PRC1: variants seen among roughly 807,000 people sequenced by gnomAD.
PRC1 encodes the protein anaphase spindle elongation 1 homolog.
PRC1 carries 54 observed loss-of-function variants against 91.2 expected under a neutral mutation model. The observed-to-expected ratio is 0.59, with a 90% CI of 0.48 to 0.74. The LOEUF (loss-of-function observed/expected upper bound fraction) is 0.74. Among genes scored for constraint, PRC1 ranks in the 30% least tolerant of loss-of-function variants. PRC1 has a pLI of 0.00. For synonymous variants in PRC1, 275 were observed against 263.6 expected, an observed-to-expected ratio of 1.04 and a Z score of -0.42; for missense variants, 727 against 746.2, an observed-to-expected ratio of 0.97 and a Z score of 0.30.
At position 90,969,086 on chromosome 15, in the gene PRC1, C is replaced by A; in HGVS notation, c.1784G>T (p.Gly595Val). The A allele has an allele frequency of 2.5e-6, 4 of 1,613,984 alleles. No individual in the cohort carries two copies. In the South Asian group the frequency reaches 4.4e-5, roughly 18 times the overall value. ...DPSLSDSSTV[G>V]LQRELSKASK... is the part of the protein sequence containing the mutation. ...AGGGATTGCCATACAGACCTGAAGC[C>A]CAACAGTGGAACTGTCAGAGAGGGA... Residue 595 changes from glycine (G) to valine (V), a missense_variant, in exon 14 of 15, where the codon GGG (glycine) becomes GTG (valine). Coordinates refer to ENST00000394249, the MANE Select transcript of PRC1 (RefSeq NM_003981.4).
intron 9 of PRC1, among the ~76,000 whole-genome samples, chr15:90,975,644 C>A (rs1014081959): frequency 3.3e-4 from 50 of 152,186 alleles, no homozygotes; most frequent in Middle Eastern, 3.4e-3. Flanking sequence ...GAAGCCTTAA[C>A]CCCCAGTACC....
intron 1 of PRC1, chr15:90,988,437 T>C (rs894029851): frequency 6.6e-5 from 10 of 152,190 alleles, no homozygotes; most frequent in African/African-American, 2.4e-4. Flanking sequence ...CCCGCTTAAC[T>C]ACTCCCCTTC....
In PRC1 at chr15:90,969,618, G is replaced by T. The variant is rs368170223; in HGVS notation, c.1578C>A (p.Val526=). 1 of 1,592,064 alleles carries T rather than the reference G, an allele frequency of 6.3e-7. No homozygotes were observed. The highest frequency in any genetic ancestry group is 8.6e-7 in the Non-Finnish European group (1 of 1,168,446). ...SRLPPSGSKP[V]AASTCSGKKT... ...TCTTCCCTGAACAGGTGGAAGCAGC[G>T]ACTGGCTGCAGAGAAAGGAAAGAGA... Residue 526 remains valine (V), a synonymous_variant, in exon 13 of 15, where the codon GTC becomes GTA. Transcript: ENST00000394249.
rs2151543776 is a variant in PRC1 at position 90,981,904 on chromosome 15, C to T, written c.345G>A (p.Lys115=). ...TQVELMRKQK[K]ERKQELKLLQ... is the part of the protein sequence containing the mutation. ...GTAGCTTCAGTTCCTGTTTTCTCTC[C>T]TTTTTCTGTTTTCGCATCAATTCCA... The change falls in exon 4 of 15, where the codon AAG becomes AAA. Residue 115 remains lysine, a synonymous_variant. Transcript: ENST00000394249. 6 of 1,614,164 alleles carry T rather than the reference C, an allele frequency of 3.7e-6. No homozygotes were observed. In the East Asian group the frequency reaches 1.3e-4, roughly 36 times the overall value.
intron 1 of PRC1, chr15:90,987,680 G>T (rs1162011718): frequency 6.6e-6 from 1 of 152,184 alleles, no homozygotes; most frequent in Non-Finnish European, 1.5e-5. Context: ...CTACAATCTA[G>T]ATGTGCTCTG....
chr15:90,976,320 T>G (rs1486894248), intron 9 of PRC1, among the ~76,000 whole-genome samples: 2 of 151,684 alleles, frequency 1.3e-5, no homozygotes, highest in Non-Finnish European at 2.9e-5. Flanking sequence ...AAGACCAGGC[T>G]GGTCTTGAAC....
intron 11 of PRC1, among the ~76,000 whole-genome samples, chr15:90,970,917 A>C (rs995243234): frequency 2.6e-5 from 4 of 152,274 alleles, no homozygotes; most frequent in African/African-American, 9.6e-5. Flanking sequence ...TAAGTGGACA[A>C]GCAAACTGTG....
chr15:90,976,380 G>C (rs890314952), intron 9 of PRC1, among the ~76,000 whole-genome samples: 2 of 150,970 alleles, frequency 1.3e-5, no homozygotes, highest in African/African-American at 4.9e-5. Context: ...CTGACCTCAT[G>C]ATCAAGACCA....
intron 14 of PRC1, 88 bp from the exon 15 acceptor site, chr15:90,967,290 G>A (rs1158477334): frequency 2.7e-6 from 3 of 1,102,242 alleles, no homozygotes; most frequent in Non-Finnish European, 4.2e-6. Flanking sequence ...TCAGCAAAAG[G>A]TCCCTTGAAG....
chr15:90,974,453 C>T lies in PRC1; in HGVS notation c.1350+132G>A. ...GGCTCCCCGTTCCACAAGCCCCGGT[C>T]CCCGGCTTCCCGTTCCACAAGCCCC... On this transcript the variant is annotated intron_variant, in intron 10 of 14. Transcript: ENST00000394249. This position sits in a 1 kb window ranked among gnomAD's most constrained non-coding sequence, Gnocchi z 4.6. 1 of 1,361,862 alleles carries T rather than the reference C, an allele frequency of 7.3e-7. No individual in the cohort carries two copies. Among genetic ancestry groups the T allele is most frequent in the Non-Finnish European group, 1.0e-6 (1 of 994,536 alleles). 84.4% of individuals were successfully genotyped at this position (1,361,862 alleles called of 1,614,324 possible).
At chr15:90,979,137 A>C (rs1033934449) in intron 8 of PRC1, 21 bp downstream of exon 8, 19 of 1,606,990 alleles carry the variant, frequency 1.2e-5, no homozygotes, top group Non-Finnish European at 1.6e-5. Context: ...ACAGTTAAAA[A>C]CACAAAAACT....
chr15:90,983,965 C>G, intron 3 of PRC1, 53 bp downstream of exon 3: 1 of 1,591,452 alleles, frequency 6.3e-7, no homozygotes, highest in East Asian at 2.3e-5. Flanking sequence ...ACGTTGCTTT[C>G]TAAGTCTCAG....
In PRC1 at chr15:90,968,615, G is replaced by C. The variant is rs188429379; in HGVS notation, c.1791+464C>G. On this transcript the variant is annotated intron_variant, in intron 14 of 14. Coordinates refer to ENST00000394249, the MANE Select transcript of PRC1 (RefSeq NM_003981.4). ...AATGTATGGAAAGAGGCAAAGGTGA[G>C]GAAATCAGCATTAGCTAGCTGAGAA... 6.7e-3 allele frequency: 6,712 copies of C among 996,016 alleles called. 35 individuals carry two copies. Among genetic ancestry groups the C allele is most frequent in the Non-Finnish European group, 7.4e-3 (6,216 of 835,532 alleles). The allele number at this position is 996,016 out of a possible 1,614,324, so 61.7% of individuals were successfully genotyped here.
At chr15:90,980,462 C>A in intron 6 of PRC1, 73 bp from the exon 7 acceptor site, 2 of 1,468,106 alleles carry the variant, frequency 1.4e-6, no homozygotes, top group Non-Finnish European at 1.8e-6. Context: ...AGATCCCCCC[C>A]TTTTAAGTAA....
At chr15:90,975,648 C>T (rs1596298129) in intron 9 of PRC1, among the ~76,000 whole-genome samples, 1 of 152,100 alleles carries the variant, frequency 6.6e-6, no homozygotes, top group African/African-American at 2.4e-5. Context: ...CCTTAACCCC[C>T]AGTACCTCAG....
At chr15:90,977,535 T>C (rs999218725) in intron 8 of PRC1, among the ~76,000 whole-genome samples, 13 of 151,680 alleles carry the variant, frequency 8.6e-5, no homozygotes, top group African/African-American at 3.1e-4. Context: ...TCTTAAATAT[T>C]GGCATGTCAA....
chr15:90,990,606 GGGGTGATAAAAA>G (rs2039923018), intron 1 of PRC1, among the ~76,000 whole-genome samples: 1 of 151,800 alleles, frequency 6.6e-6, no homozygotes, highest in Non-Finnish European at 1.5e-5. Context: ...GGATTTTAAA[GGGGTGATAAAAA>G]TGTTCTAAAA....
intron 14 of PRC1, 143 bp from the exon 15 acceptor site, chr15:90,967,345 G>T: frequency 1.5e-6 from 1 of 667,560 alleles, no homozygotes; most frequent in Non-Finnish European, 2.6e-6. Flanking sequence ...TGCGTTAGGA[G>T]TAAAAGGTGA....
chr15:90,976,861 T>C lies in PRC1; in HGVS notation c.1108-90A>G, dbSNP rs2038747368. The C allele has an allele frequency of 9.1e-6, 10 of 1,098,658 alleles. No individual in the cohort carries two copies. The Middle Eastern group carries it at 6.1e-4, about 67-fold the overall frequency. The allele number at this position is 1,098,658 out of a possible 1,614,324, so 68.1% of individuals were successfully genotyped here. A position where few individuals can be genotyped will look rare whatever the true frequency, so the allele number is the denominator to read the frequency against. On this transcript the variant is annotated intron_variant, in intron 8 of 14. Transcript: ENST00000394249. Reference sequence around the variant, plus strand: ...GATTCTTTGTTCTCGCCAGGCGTGGTGACTCACACCTGTAATCCCAGCACT... The same window carrying C: ...GATTCTTTGTTCTCGCCAGGCGTGGCGACTCACACCTGTAATCCCAGCACT...
Sources: allele counts gnomAD v4.1 joint callset (sites outside exome capture counted in the v4.1 genomes callset), GRCh38; gene constraint gnomAD v4.1.1; non-coding constraint Gnocchi (gnomAD v3.1); transcripts MANE v1.5; gene names NCBI Gene and HGNC (gene_info 2026-07-23, HGNC 2026-07-21).